NIM1K: variants seen among roughly 807,000 people sequenced by gnomAD.
The protein encoded by NIM1K is NIM1 serine/threonine protein kinase.
NIM1K carries 35 observed loss-of-function variants against 37.1 expected under a neutral mutation model. The observed-to-expected ratio is 0.94, with a 90% CI of 0.72 to 1.25. The LOEUF (loss-of-function observed/expected upper bound fraction) is 1.25, where lower values mean the gene tolerates loss of function less well. NIM1K is among the 50% of genes most tolerant of loss of function. NIM1K has a pLI of 0.00. For synonymous variants in NIM1K, 234 were observed against 206.6 expected (o/e 1.13, Z -1.14); for missense variants, 564 against 548.0 (o/e 1.03, Z -0.29).
rs112159946 is a variant in NIM1K at position 43,256,701 on chromosome 5, A to G, written c.292+10634A>G. On this transcript the variant is annotated intron_variant, in intron 2 of 3. Transcript: ENST00000326035. ...GCCTCCTCTGCATGCATGGTAGCCC[A>G]GAAGTACAGAATGCACTTCCTGGTG... 1.4e-3 allele frequency among the ~76,000 whole-genome samples: 214 copies of G among 152,348 alleles called. 3 individuals are homozygous for G. The highest frequency in any genetic ancestry group is 4.8e-3 in the African/African-American group (201 of 41,586).
chr5:43,228,178 G>C (rs988681477), intron 1 of NIM1K, among the ~76,000 whole-genome samples: 2 of 149,940 alleles, frequency 1.3e-5, no homozygotes, highest in African/African-American at 4.9e-5. Context: ...TTGGAGTCTC[G>C]CTCTGTCGCC....
intron 2 of NIM1K, among the ~76,000 whole-genome samples, chr5:43,261,110 C>G (rs999747115): frequency 8.5e-5 from 13 of 152,262 alleles, no homozygotes; most frequent in African/African-American, 3.1e-4. Flanking sequence ...ATTTATAATC[C>G]TTTGGGTATA....
intron 1 of NIM1K, among the ~76,000 whole-genome samples, chr5:43,220,736 G>A (rs1387199963): frequency 1.3e-5 from 2 of 152,064 alleles, no homozygotes; most frequent in African/African-American, 4.8e-5. Flanking sequence ...TTCCTTTGCA[G>A]CTCCATTTCC....
rs369847377 is a variant in NIM1K, at chr5:43,280,711, A to G, written c.1293A>G (p.Lys431=). Residue 431 remains lysine, a synonymous_variant, in exon 4 of 4, where the codon AAA becomes AAG. Transcript: ENST00000326035. ...RVYRGIRHTS[K]FCSIL is the part of the protein sequence containing the mutation. Reference sequence around the variant, plus strand: ...ACAGAGGGATAAGACACACATCCAAATTTTGCTCGATTTTATAAATTGCAC... The same window carrying G: ...ACAGAGGGATAAGACACACATCCAAGTTTTGCTCGATTTTATAAATTGCAC... 6.3e-6 allele frequency: 10 copies of G among 1,595,114 alleles called. No homozygotes were observed. In the African/African-American group the frequency reaches 6.8e-5, roughly 11 times the overall value.
intron 2 of NIM1K, among the ~76,000 whole-genome samples, chr5:43,266,487 G>A (rs1343292213): frequency 6.6e-6 from 1 of 152,184 alleles, no homozygotes. Context: ...GTATTAGGGT[G>A]GGAGTGTCCC....
At chr5:43,270,226 A>G (rs1434061682) in intron 2 of NIM1K, among the ~76,000 whole-genome samples, 2 of 152,210 alleles carry the variant, frequency 1.3e-5, no homozygotes, top group Non-Finnish European at 2.9e-5. Flanking sequence ...GAAGATTTTT[A>G]TCAATGACAT....
chr5:43,224,568 A>T (rs1305723051), intron 1 of NIM1K, among the ~76,000 whole-genome samples: 1 of 152,154 alleles, frequency 6.6e-6, no homozygotes, highest in East Asian at 1.9e-4. Context: ...TTTTACCTAA[A>T]AGGAAGAAGC....
At chr5:43,228,453 G>C (rs1009865841) in intron 1 of NIM1K, among the ~76,000 whole-genome samples, 21 of 151,964 alleles carry the variant, frequency 1.4e-4, no homozygotes, top group Non-Finnish European at 2.5e-4. Context: ...GCCGAGACCT[G>C]TTTTATTGTA....
In NIM1K at chr5:43,280,127, G is replaced by A. The variant is rs752281168; in HGVS notation, c.709G>A (p.Ala237Thr). 1 of 1,614,116 alleles carries A rather than the reference G, an allele frequency of 6.2e-7. No homozygotes were observed. Among genetic ancestry groups the A allele is most frequent in the East Asian group, 2.2e-5 (1 of 44,870 alleles). Residue 237 changes from alanine (A) to threonine (T), a missense_variant, in exon 4 of 4, where the codon GCT (alanine) becomes ACT (threonine). Ala to Thr is a moderately conservative substitution (Grantham distance 58). Transcript: ENST00000326035. ...LNTFCGSPPY[A>T]APELFRDEHY... ...CACTTTCTGTGGGTCTCCTCCCTAC[G>A]CTGCGCCTGAACTCTTCCGGGACGA...
intron 3 of NIM1K, among the ~76,000 whole-genome samples, chr5:43,278,044 CTGTT>C (rs1170019197): frequency 2.8e-5 from 4 of 141,988 alleles, no homozygotes; most frequent in Admixed American, 2.1e-4. Flanking sequence ...TCCTTTCTTT[CTGTT>C]TCTTTTTTTT....
intron 1 of NIM1K, among the ~76,000 whole-genome samples, chr5:43,210,918 C>A (rs560162170): frequency 1.3e-4 from 20 of 152,310 alleles, no homozygotes. Context: ...CGCCTGTAAT[C>A]CCAGCACTTT....
At chr5:43,199,281 A>T (rs1043126550) in intron 1 of NIM1K, among the ~76,000 whole-genome samples, 1 of 145,510 alleles carries the variant, frequency 6.9e-6, no homozygotes, top group East Asian at 2.0e-4. Context: ...TCTCTACTAA[A>T]ATATATATAT....
At chr5:43,272,002 G>T (rs1342274886) in intron 2 of NIM1K, among the ~76,000 whole-genome samples, 4 of 152,140 alleles carry the variant, frequency 2.6e-5, no homozygotes, top group Non-Finnish European at 1.5e-5. Flanking sequence ...TCAATAGTTG[G>T]TTCATTTTTA....
intron 1 of NIM1K, among the ~76,000 whole-genome samples, chr5:43,198,195 CTT>C (rs779079573): frequency 0.057 from 2,941 of 51,378 alleles, 27 homozygotes; most frequent in Middle Eastern, 0.11. Context: ...TTCTTTCTTT[CTT>C]TCTTTCTTTC....
At chr5:43,220,914 T>C (rs1300579192) in intron 1 of NIM1K, among the ~76,000 whole-genome samples, 4 of 152,136 alleles carry the variant, frequency 2.6e-5, no homozygotes, top group African/African-American at 9.7e-5. Context: ...GCAGTAAGCA[T>C]AGGGCGGTCA....
At chr5:43,266,789 C>T (rs1753169635) in intron 2 of NIM1K, among the ~76,000 whole-genome samples, 1 of 152,248 alleles carries the variant, frequency 6.6e-6, no homozygotes, top group Non-Finnish European at 1.5e-5. Context: ...CCCTCTATCT[C>T]TGGGACAAAG....
At chr5:43,247,372 C>A (rs1198337888) in intron 2 of NIM1K, among the ~76,000 whole-genome samples, 1 of 152,220 alleles carries the variant, frequency 6.6e-6, no homozygotes, top group Admixed American at 6.5e-5. Flanking sequence ...TTAATAAGTG[C>A]TCAACAAATG....
intron 1 of NIM1K, among the ~76,000 whole-genome samples, chr5:43,210,771 T>G (rs903644137): frequency 1.3e-5 from 2 of 152,158 alleles, no homozygotes; most frequent in African/African-American, 2.4e-5. Context: ...AGAAAAGGCA[T>G]GCAAATTTGT....
chr5:43,213,973 C>CTCTT (rs761731211), intron 1 of NIM1K, among the ~76,000 whole-genome samples: 1 of 147,452 alleles, frequency 6.8e-6, no homozygotes, highest in East Asian at 2.0e-4. Context: ...CTTCCTTCTT[C>CTCTT]TCTTTCTTTC....
Sources: allele counts gnomAD v4.1 joint callset (sites outside exome capture counted in the v4.1 genomes callset), GRCh38; gene constraint gnomAD v4.1.1; transcripts MANE v1.5; gene names NCBI Gene and HGNC (gene_info 2026-07-23, HGNC 2026-07-21).